Variants in FRMPD1 observed in about 807,000 individuals in gnomAD.
FRMPD1 encodes FERM and PDZ domain containing 1, also known as FERM and PDZ domain-containing protein 1.
A neutral mutation model predicts 117.8 loss-of-function variants in FRMPD1; 76 were observed. That is an observed-to-expected ratio of 0.65 (90% CI 0.54 to 0.78). The LOEUF is 0.78. FRMPD1 is among the 30% of genes least tolerant of loss of function. FRMPD1 has a pLI of 0.00. For missense variants in FRMPD1, 1,786 were observed against 1,964.5 expected (o/e 0.91, Z 1.72); for synonymous variants, 783 against 770.4 (o/e 1.02, Z -0.27).
At chr9:37,677,903 C>T (rs1821585348) in intron 1 of FRMPD1, among the ~76,000 whole-genome samples, 1 of 152,158 alleles carries the variant, frequency 6.6e-6, no homozygotes, top group South Asian at 2.1e-4. Flanking sequence ...GAAATGCAGG[C>T]TCCTTGAGGG....
At chr9:37,646,841 C>T (rs1342771131), upstream of FRMPD1, among the ~76,000 whole-genome samples, 1 of 152,140 alleles carries the variant, frequency 6.6e-6, no homozygotes, top group Non-Finnish European at 1.5e-5. Flanking sequence ...ACTATTAAGT[C>T]AGCTCTCAGA....
At chr9:37,605,203 A>C in the FRMPD1 span, among the ~76,000 whole-genome samples, 1 of 152,172 alleles carries the variant, frequency 6.6e-6, no homozygotes. Flanking sequence ...GATGTTCCTG[A>C]ACTGAATGGA....
At chr9:37,650,236 A>C (rs1296570432), upstream of FRMPD1, among the ~76,000 whole-genome samples, 1 of 152,178 alleles carries the variant, frequency 6.6e-6, no homozygotes, top group East Asian at 1.9e-4. Flanking sequence ...TCATGCTCAG[A>C]GAGGCGGTAG....
intron 1 of FRMPD1, among the ~76,000 whole-genome samples, chr9:37,676,509 C>T (rs181831252): frequency 6.6e-6 from 1 of 152,276 alleles, no homozygotes; most frequent in African/African-American, 2.4e-5. Context: ...AGTTGGCATT[C>T]ATTCACAGCT....
intron 14 of FRMPD1, 78 bp from the exon 15 acceptor site, chr9:37,740,000 G>C (rs1472348163): frequency 2.0e-5 from 22 of 1,089,514 alleles, no homozygotes; most frequent in Non-Finnish European, 2.5e-5. Context: ...GGCAGGGTTG[G>C]GTGGGGGTCA....
At chr9:37,736,226 C>T (rs1588969024) in intron 13 of FRMPD1, among the ~76,000 whole-genome samples, 2 of 151,926 alleles carry the variant, frequency 1.3e-5, no homozygotes, top group African/African-American at 4.8e-5. Flanking sequence ...TGGTCTCGAT[C>T]TCCTGACCTC....
At chr9:37,637,542 C>T in the FRMPD1 span, among the ~76,000 whole-genome samples, 1 of 152,096 alleles carries the variant, frequency 6.6e-6, no homozygotes, top group Non-Finnish European at 1.5e-5. Context: ...TTCCCCTAAC[C>T]CCTACACTCT....
At chr9:37,640,174 G>A in the FRMPD1 span, among the ~76,000 whole-genome samples, 1 of 152,198 alleles carries the variant, frequency 6.6e-6, no homozygotes, top group Admixed American at 6.5e-5. Context: ...GGTCAAATGA[G>A]ATATTGTCTG....
chr9:37,608,787 G>A, the FRMPD1 span, among the ~76,000 whole-genome samples: 1 of 152,210 alleles, frequency 6.6e-6, no homozygotes, highest in African/African-American at 2.4e-5. Context: ...TAGCTGAAAT[G>A]TATTGGGGGC....
intron 4 of FRMPD1, among the ~76,000 whole-genome samples, chr9:37,710,182 T>A (rs1225814975): frequency 6.6e-6 from 1 of 152,222 alleles, no homozygotes; most frequent in African/African-American, 2.4e-5. Flanking sequence ...TTGTGATTTA[T>A]CTCAGAAAAG....
intron 1 of FRMPD1, among the ~76,000 whole-genome samples, chr9:37,677,807 C>A (rs538099789): frequency 2.6e-5 from 4 of 152,182 alleles, no homozygotes; most frequent in Non-Finnish European, 5.9e-5. Context: ...AAAAACCTTG[C>A]AACCTTTGCT....
the FRMPD1 span, among the ~76,000 whole-genome samples, chr9:37,620,723 T>C: frequency 1.3e-5 from 2 of 152,210 alleles, no homozygotes; most frequent in South Asian, 4.1e-4. Context: ...CACAGTTTTT[T>C]TTTTAAGCAA....
At chr9:37,654,160 T>A (rs1820772452) in intron 1 of FRMPD1, among the ~76,000 whole-genome samples, 1 of 152,162 alleles carries the variant, frequency 6.6e-6, no homozygotes, top group South Asian at 2.1e-4. Flanking sequence ...CTTCCTGGAG[T>A]TTATATTCTA....
the FRMPD1 span, among the ~76,000 whole-genome samples, chr9:37,642,448 C>T: frequency 6.6e-6 from 1 of 152,206 alleles, no homozygotes; most frequent in Non-Finnish European, 1.5e-5. Flanking sequence ...GGATTTGAAT[C>T]CAAGCTCTTA....
intron 4 of FRMPD1, among the ~76,000 whole-genome samples, chr9:37,709,298 C>G (rs1403524671): frequency 6.6e-6 from 1 of 151,254 alleles, no homozygotes; most frequent in Non-Finnish European, 1.5e-5. Flanking sequence ...ATATAAAATT[C>G]AGTTTGTGAT....
the FRMPD1 span, among the ~76,000 whole-genome samples, chr9:37,631,296 G>A: frequency 6.6e-6 from 1 of 152,206 alleles, no homozygotes; most frequent in South Asian, 2.1e-4. Flanking sequence ...GAATGGCATG[G>A]TACATAAATA....
At chr9:37,666,235 C>T (rs1821156942) in intron 1 of FRMPD1, among the ~76,000 whole-genome samples, 1 of 152,094 alleles carries the variant, frequency 6.6e-6, no homozygotes, top group Non-Finnish European at 1.5e-5. Context: ...CTGCGTTACT[C>T]AGAAATTAAA....
intron 2 of FRMPD1, among the ~76,000 whole-genome samples, chr9:37,700,650 A>T (rs1231359485): frequency 6.6e-6 from 1 of 152,230 alleles, no homozygotes; most frequent in Non-Finnish European, 1.5e-5. Flanking sequence ...TTTCAGTGTT[A>T]TTAACCAGCT....
At chr9:37,614,767 T>C in the FRMPD1 span, among the ~76,000 whole-genome samples, 6 of 152,226 alleles carry the variant, frequency 3.9e-5, no homozygotes, top group Non-Finnish European at 1.5e-5. Flanking sequence ...TCTAGCCCAG[T>C]AAGTAGGCCA....
Sources: allele counts gnomAD v4.1 joint callset (sites outside exome capture counted in the v4.1 genomes callset), GRCh38; gene constraint gnomAD v4.1.1; transcripts MANE v1.5; gene names NCBI Gene and HGNC (gene_info 2026-07-23, HGNC 2026-07-21).